Variants in DENND4B observed in about 807,000 individuals in gnomAD.
DENND4B encodes DENN domain-containing protein 4B.
A neutral mutation model predicts 161.0 loss-of-function variants in DENND4B; 67 were observed. The observed-to-expected ratio is 0.42, with a 90% CI of 0.34 to 0.51. The LOEUF is 0.51. DENND4B is among the 20% of genes least tolerant of loss of function. The probability of loss-of-function intolerance (pLI) is 0.08; values close to 1 mark genes in which losing one functional copy is unlikely to be tolerated. For missense variants in DENND4B, 1,481 were observed against 1,968.0 expected (o/e 0.75, Z 4.68); for synonymous variants, 753 against 813.8 (o/e 0.93, Z 1.27).
Position 153,937,556 on chromosome 1 carries a change from C to T in DENND4B, c.2164G>A (p.Gly722Arg). ...ELFESLQEQP[G>R]ALPVPGPSRS... ...GAAGGGCCTGGCACAGGCAGGGCCC[C>T]AGGTTGCTCTTGAAGAGACTCAAAC... The change falls in exon 15 of 28, where the codon GGG (glycine) becomes AGG (arginine). Residue 722 changes from glycine to arginine, a missense_variant. Transcript: ENST00000361217. This position sits in a 1 kb window ranked among gnomAD's most constrained non-coding sequence, Gnocchi z 4.7. 6.2e-7 allele frequency: 1 copy of T among 1,612,740 alleles called. No homozygotes were observed. Among genetic ancestry groups the T allele is most frequent in the South Asian group, 1.1e-5 (1 of 90,950 alleles).
In DENND4B at chr1:153,932,554, A is replaced by G. The variant is rs1339880189; in HGVS notation, c.3759+88T>C. 3.0e-5 allele frequency: 47 copies of G among 1,566,240 alleles called. No individual in the cohort carries two copies. Among genetic ancestry groups the G allele is most frequent in the Non-Finnish European group, 4.0e-5 (46 of 1,155,004 alleles). ...GGGATGCCCCTTGCCCTCAAGGGCA[A>G]GAGATGTGCCCATCTCTCCCTGGCA... On this transcript the variant is annotated intron_variant, in intron 23 of 27. Coordinates refer to ENST00000361217, the MANE Select transcript of DENND4B (RefSeq NM_014856.3). The surrounding 1 kb of genome is among the most constrained non-coding windows in gnomAD (Gnocchi z 5.8).
At position 153,933,217 on chromosome 1, in the gene DENND4B, A is replaced by G. The variant is rs1311226504; in HGVS notation, c.3433T>C (p.Phe1145Leu). ...SERLSDTPGSFQSPSLEILLS... is the reference protein window; with the variant it reads ...SERLSDTPGSLQSPSLEILLS... ...CTCACTTCCAGGGAAGGTGACTGGA[A>G]GGATCCAGGGGTGTCACTGAGGCGC... The change falls in exon 21 of 28, where the codon TTC (phenylalanine) becomes CTC (leucine). Residue 1145 changes from phenylalanine (F) to leucine (L), a missense_variant. Transcript: ENST00000361217. The surrounding 1 kb of genome is among the most constrained non-coding windows in gnomAD (Gnocchi z 5.7). 6.2e-7 allele frequency: 1 copy of G among 1,613,060 alleles called. No homozygotes were observed. Among genetic ancestry groups the G allele is most frequent in the South Asian group, 1.1e-5 (1 of 90,860 alleles).
intron 12 of DENND4B, 118 bp from the exon 13 acceptor site, chr1:153,939,163 T>G: frequency 2.3e-6 from 3 of 1,289,824 alleles, no homozygotes; most frequent in Non-Finnish European, 3.2e-6. Context: ...CCATAATCTC[T>G]TGGACCCTCT....
chr1:153,935,861 A>G (rs1281051589), intron 17 of DENND4B, 199 bp downstream of exon 17: 1 of 600,814 alleles, frequency 1.7e-6, no homozygotes, highest in South Asian at 2.0e-5. Context: ...CAGGGCTGTC[A>G]TGAGTGGGAA....
rs747666209 is a variant in DENND4B, at chr1:153,932,723, A to G, written c.3678T>C (p.Pro1226=). The G allele has an allele frequency of 1.9e-6, 3 of 1,614,054 alleles. No individual in the cohort carries two copies. The South Asian group carries it at 3.3e-5, about 18-fold the overall frequency. Residue 1226 remains proline, a synonymous_variant, in exon 23 of 28, where the codon CCT becomes CCC. Transcript: ENST00000361217. The surrounding 1 kb of genome is among the most constrained non-coding windows in gnomAD (Gnocchi z 5.8). ...GASGSKDAPV[P]GGPGPVLSDR... is the part of the protein sequence containing the mutation. ...CACTGAGCACAGGGCCAGGACCACC[A>G]GGGACAGGAGCATCTTTGCTGCCAC...
In DENND4B at chr1:153,936,266, G is replaced by T; in HGVS notation, c.2440-78C>A. On this transcript the variant is annotated intron_variant, in intron 16 of 27. Coordinates refer to ENST00000361217, the MANE Select transcript of DENND4B (RefSeq NM_014856.3). The surrounding 1 kb of genome is among the most constrained non-coding windows in gnomAD (Gnocchi z 4.1). ...AAGTCTCAGCAAGCACCCTCTTCCT[G>T]CCTCCCCAATTCTCACAGACATCAC... The T allele has an allele frequency of 6.6e-7, 1 of 1,521,718 alleles. No individual in the cohort carries two copies. The allele number at this position is 1,521,718 out of a possible 1,614,324, so 94.3% of individuals were successfully genotyped here.
intron 12 of DENND4B, among the ~76,000 whole-genome samples, chr1:153,939,249 T>C (rs532952854): frequency 6.6e-6 from 1 of 151,294 alleles, no homozygotes; most frequent in Non-Finnish European, 1.5e-5. Context: ...CCTCCCTTTG[T>C]CTGCCTGTAC....
chr1:153,939,661 C>G lies in DENND4B; in HGVS notation c.1747G>C (p.Val583Leu). 6.2e-7 allele frequency: 1 copy of G among 1,613,918 alleles called. No individual in the cohort carries two copies. Among genetic ancestry groups the G allele is most frequent in the East Asian group, 2.2e-5 (1 of 44,856 alleles). The part of the protein sequence containing the change: ...FMACLLKGYR[V>L]FLRPLTQAPS... ...GCCTGGGTGAGTGGGCGCAGGAAGA[C>G]CCGGTAGCCCTTGAGCAGACAGGCC... The change falls in exon 12 of 28, where the codon GTC becomes CTC. Residue 583 changes from valine (V) to leucine (L), a missense_variant. Val to Leu is a conservative substitution (Grantham distance 32). Transcript: ENST00000361217.
rs1233228535 is a variant in DENND4B, at chr1:153,933,843, G to A, written c.2970C>T (p.Pro990=). 1.2e-6 allele frequency: 2 copies of A among 1,613,274 alleles called. No individual in the cohort carries two copies. Among genetic ancestry groups the A allele is most frequent in the Admixed American group, 1.7e-5 (1 of 59,970 alleles). Residue 990 remains proline, a synonymous_variant, in exon 20 of 28, where the codon CCC becomes CCT. Coordinates refer to ENST00000361217, the MANE Select transcript of DENND4B (RefSeq NM_014856.3). This position sits in a 1 kb window ranked among gnomAD's most constrained non-coding sequence, Gnocchi z 5.7. ...HMIEALGVLE[P]RGSPVPWHDG... is the part of the protein sequence containing the mutation. ...CGTGCCAGGGCACAGGTGATCCCCG[G>A]GGTTCCAGGACCCCCAAGGCCTCTA... is the stretch of plus-strand genomic sequence containing the variant.
chr1:153,942,549 C>A lies in DENND4B; in HGVS notation c.640+7G>T. 1 of 1,593,828 alleles carries A rather than the reference C, an allele frequency of 6.3e-7. No homozygotes were observed. Among genetic ancestry groups the A allele is most frequent in the Non-Finnish European group, 8.5e-7 (1 of 1,169,988 alleles). On this transcript the variant is annotated splice_region_variant and intron_variant, in intron 4 of 27. Coordinates refer to ENST00000361217, the MANE Select transcript of DENND4B (RefSeq NM_014856.3). The surrounding 1 kb of genome is among the most constrained non-coding windows in gnomAD (Gnocchi z 6.9). Reference sequence around the variant, plus strand: ...CACAGGATTGGAGGGATAAAGGGGCCACTCACCTGCCTCGTACACCAGCGT... The same window carrying A: ...CACAGGATTGGAGGGATAAAGGGGCAACTCACCTGCCTCGTACACCAGCGT...
At position 153,942,854 on chromosome 1, in the gene DENND4B, G is replaced by C; in HGVS notation, c.570+24C>G. The stretch of plus-strand genomic sequence containing the variant: ...CCCACTCTTACACCAAGAGGACCAG[G>C]TGTCAGCTCTTGGCCCCACTCACCA... On this transcript the variant is annotated intron_variant, in intron 3 of 27. Coordinates refer to ENST00000361217, the MANE Select transcript of DENND4B (RefSeq NM_014856.3). The surrounding 1 kb of genome is among the most constrained non-coding windows in gnomAD (Gnocchi z 6.9). 6.3e-7 allele frequency: 1 copy of C among 1,578,648 alleles called. No individual in the cohort carries two copies. Among genetic ancestry groups the C allele is most frequent in the Non-Finnish European group, 8.6e-7 (1 of 1,158,178 alleles).
In DENND4B at chr1:153,929,769, T is replaced by C. The variant is rs930974296; in HGVS notation, c.*528A>G. On this transcript the variant is annotated 3_prime_UTR_variant, in exon 28 of 28. Transcript: ENST00000361217. ...TTTCTCACTCTCCATAAGAACCTCA[T>C]AAGCAAGGGGGCTGTGGCTCCAGAA... 1 of 152,600 alleles carries C rather than the reference T, an allele frequency of 6.6e-6. No individual in the cohort carries two copies. The highest frequency in any genetic ancestry group is 2.4e-5 in the African/African-American group (1 of 41,380). 9.5% of individuals were successfully genotyped at this position (152,600 alleles called of 1,614,324 possible).
chr1:153,940,361 G>A lies in DENND4B; in HGVS notation c.1502+70C>T, dbSNP rs374919771. ...TGTGCCTGAAGCTCTTTTTGAGCCC[G>A]TAGCACTCCACACACTAGCCCATTC... On this transcript the variant is annotated intron_variant, in intron 10 of 27. Coordinates refer to ENST00000361217, the MANE Select transcript of DENND4B (RefSeq NM_014856.3). The surrounding 1 kb of genome is among the most constrained non-coding windows in gnomAD (Gnocchi z 5.6). 1.0e-4 allele frequency: 162 copies of A among 1,576,598 alleles called. No individual in the cohort carries two copies. The African/African-American group carries it at 1.9e-3, about 18-fold the overall frequency.
At position 153,940,201 on chromosome 1, in the gene DENND4B, C is replaced by A. The variant is rs1288127749; in HGVS notation, c.1558G>T (p.Val520Phe). The change falls in exon 11 of 28, where the codon GTT becomes TTT. Residue 520 changes from valine (V) to phenylalanine (F), a missense_variant. Coordinates refer to ENST00000361217, the MANE Select transcript of DENND4B (RefSeq NM_014856.3). This position sits in a 1 kb window ranked among gnomAD's most constrained non-coding sequence, Gnocchi z 5.6. The part of the protein sequence containing the change: ...PRTLPRRPYK[V>F]LLATLTNLYQ... ...AGGTTTGTCAGTGTGGCCAGCAGAA[C>A]CTTGTAGGGTCTGCGGGGCAGGGTC... The A allele has an allele frequency of 1.2e-6, 2 of 1,600,626 alleles. No individual in the cohort carries two copies. The highest frequency in any genetic ancestry group is 1.7e-6 in the Non-Finnish European group (2 of 1,174,426).
chr1:153,945,090 T>C lies in DENND4B; in HGVS notation c.-23-693A>G, dbSNP rs572331950. 7.4e-5 allele frequency: 95 copies of C among 1,288,494 alleles called. No individual in the cohort carries two copies. The Admixed American group carries it at 1.8e-3, about 24-fold the overall frequency. The allele number at this position is 1,288,494 out of a possible 1,614,324, so 79.8% of individuals were successfully genotyped here. Reference sequence around the variant, plus strand: ...CCCGGCCATCCCACACCCTCCACCATGGAGCCCAGAGACAGAAACAGGCCC... The same window carrying C: ...CCCGGCCATCCCACACCCTCCACCACGGAGCCCAGAGACAGAAACAGGCCC... On this transcript the variant is annotated intron_variant, in intron 1 of 27. Coordinates refer to ENST00000361217, the MANE Select transcript of DENND4B (RefSeq NM_014856.3).
intron 1 of DENND4B, among the ~76,000 whole-genome samples, chr1:153,945,960 G>C (rs749332992): frequency 6.6e-6 from 1 of 152,200 alleles, no homozygotes; most frequent in Non-Finnish European, 1.5e-5. Flanking sequence ...GCGCGCCGAG[G>C]GGGAGGAGGC....
chr1:153,936,205 A>G lies in DENND4B; in HGVS notation c.2440-17T>C. The G allele has an allele frequency of 6.3e-7, 1 of 1,597,106 alleles. No individual in the cohort carries two copies. The highest frequency in any genetic ancestry group is 8.5e-7 in the Non-Finnish European group (1 of 1,172,048). ...GTAACACACCTGGGCCAGGAGAGGCACAGGACAATGGGAGACTCACTCTCA... is the reference window on the plus strand; with the variant it reads ...GTAACACACCTGGGCCAGGAGAGGCGCAGGACAATGGGAGACTCACTCTCA... On this transcript the variant is annotated splice_polypyrimidine_tract_variant and intron_variant, in intron 16 of 27. Coordinates refer to ENST00000361217, the MANE Select transcript of DENND4B (RefSeq NM_014856.3). The surrounding 1 kb of genome is among the most constrained non-coding windows in gnomAD (Gnocchi z 4.1).
intron 17 of DENND4B, 175 bp downstream of exon 17, chr1:153,935,885 G>A (rs776834679): frequency 6.1e-5 from 45 of 743,248 alleles, no homozygotes; most frequent in Middle Eastern, 4.0e-4. Context: ...AAGCAGCCTC[G>A]TCTGAGAAAC....
Position 153,932,791 on chromosome 1 carries a change from G to A in DENND4B, c.3624-14C>T. ...GGGCTGGGGACACTGCAGGGGGATA[G>A]CAGCAGGGGTCAGCTTTTGGACCTT... is the stretch of plus-strand genomic sequence containing the variant. On this transcript the variant is annotated splice_polypyrimidine_tract_variant and intron_variant, in intron 22 of 27. Coordinates refer to ENST00000361217, the MANE Select transcript of DENND4B (RefSeq NM_014856.3). The surrounding 1 kb of genome is among the most constrained non-coding windows in gnomAD (Gnocchi z 5.8). 1 of 1,613,794 alleles carries A rather than the reference G, an allele frequency of 6.2e-7. No individual in the cohort carries two copies. Among genetic ancestry groups the A allele is most frequent in the Non-Finnish European group, 8.5e-7 (1 of 1,179,730 alleles).
Sources: gnomAD v4.1 joint callset for allele counts (sites outside exome capture counted in the v4.1 genomes callset) on GRCh38, gnomAD v4.1.1 for gene constraint, Gnocchi (gnomAD v3.1) non-coding constraint, MANE v1.5 for transcripts, NCBI Gene and HGNC (gene_info 2026-07-23, HGNC 2026-07-21) for gene names.